PCBP3: variants seen among roughly 807,000 people sequenced by gnomAD.
PCBP3 encodes the protein poly(rC) binding protein 3.
Under a neutral mutation model 52.7 loss-of-function variants are expected in PCBP3, and 25 were observed. The ratio of observed to expected loss-of-function variants is 0.47; its 90% CI spans 0.35 to 0.66. PCBP3 has a LOEUF of 0.66. PCBP3 is among the 30% of genes least tolerant of loss of function. PCBP3 has a pLI of 0.01. For missense variants in PCBP3, 391 were observed against 490.3 expected, an observed-to-expected ratio of 0.80 and a Z score of 1.91; for synonymous variants, 162 against 183.0, an observed-to-expected ratio of 0.89 and a Z score of 0.93.
intron 4 of PCBP3, among the ~76,000 whole-genome samples, chr21:45,797,199 G>C (rs2091963348): frequency 6.6e-6 from 1 of 152,302 alleles, no homozygotes; most frequent in African/African-American, 2.4e-5. Context: ...GAATGTGAAT[G>C]CTAGATGGAT....
At chr21:45,843,280 A>T (rs1050482778) in intron 4 of PCBP3, among the ~76,000 whole-genome samples, 32 of 152,172 alleles carry the variant, frequency 2.1e-4, no homozygotes, top group Admixed American at 2.0e-3. Context: ...CCTTTACGTG[A>T]CTACTATCCC....
rs537614590 is a variant in PCBP3, at chr21:45,695,261, A to G, written c.-200+26309A>G. On this transcript the variant is annotated intron_variant, in intron 2 of 17. Coordinates refer to ENST00000681687, the MANE Select transcript of PCBP3 (RefSeq NM_001384156.1). Reference sequence around the variant, plus strand: ...GAAAATTCCTCCTTGACCAGTTGGCATAGTGGTGGGCTTGTCAGCAGAGGG... The same window carrying G: ...GAAAATTCCTCCTTGACCAGTTGGCGTAGTGGTGGGCTTGTCAGCAGAGGG... 2.6e-4 allele frequency among the ~76,000 whole-genome samples: 39 copies of G among 152,294 alleles called. No homozygotes were observed. In the South Asian group the frequency reaches 8.1e-3, roughly 32 times the overall value.
chr21:45,697,850 A>G (rs1276940984), intron 2 of PCBP3, among the ~76,000 whole-genome samples: 1 of 152,080 alleles, frequency 6.6e-6, no homozygotes, highest in East Asian at 1.9e-4. Context: ...TTTTTGAATC[A>G]GCTGTGTCCT....
intron 4 of PCBP3, among the ~76,000 whole-genome samples, chr21:45,783,222 C>T (rs2146117962): frequency 6.6e-6 from 1 of 152,294 alleles, no homozygotes. Context: ...ACTAATGAGG[C>T]TGAGCATCTT....
chr21:45,691,363 A>G (rs1277106696), intron 2 of PCBP3, among the ~76,000 whole-genome samples: 4 of 148,048 alleles, frequency 2.7e-5, no homozygotes, highest in Non-Finnish European at 5.9e-5. Context: ...GTGATGTTCT[A>G]TATCTTGTTT....
intron 4 of PCBP3, among the ~76,000 whole-genome samples, chr21:45,835,669 T>C (rs2093568010): frequency 6.6e-6 from 1 of 152,170 alleles, no homozygotes; most frequent in Non-Finnish European, 1.5e-5. Context: ...TGGCCCCACA[T>C]CCCTGTGAGC....
intron 6 of PCBP3, among the ~76,000 whole-genome samples, chr21:45,897,220 C>A (rs2095856562): frequency 1.3e-5 from 2 of 152,358 alleles, no homozygotes; most frequent in East Asian, 3.9e-4. Flanking sequence ...CACAACCACA[C>A]ACAGCCATCA....
chr21:45,843,411 C>T (rs897761886), intron 4 of PCBP3, among the ~76,000 whole-genome samples: 41 of 152,188 alleles, frequency 2.7e-4, no homozygotes, highest in Non-Finnish European at 5.7e-4. Flanking sequence ...CTTTGCTTAA[C>T]TTCTGAACTT....
chr21:45,761,639 T>G (rs1420100182), intron 4 of PCBP3: 1 of 152,334 alleles, frequency 6.6e-6, no homozygotes, highest in African/African-American at 2.4e-5. Flanking sequence ...AAATACTGTT[T>G]CTTTGTTACT....
At chr21:45,902,403 C>T (rs749393714) in intron 9 of PCBP3, among the ~76,000 whole-genome samples, 5 of 152,198 alleles carry the variant, frequency 3.3e-5, no homozygotes, top group Admixed American at 6.5e-5. Context: ...AAGCCACTCT[C>T]TCATTTGCAA....
chr21:45,787,686 C>T (rs1282782317), intron 4 of PCBP3, among the ~76,000 whole-genome samples: 4 of 152,198 alleles, frequency 2.6e-5, no homozygotes, highest in Non-Finnish European at 5.9e-5. Flanking sequence ...CAGTGGGGGA[C>T]ATCCCAGGCT....
chr21:45,918,649 T>A (rs111738516), intron 13 of PCBP3: 1 of 147,978 alleles, frequency 6.8e-6, no homozygotes. Flanking sequence ...GGGGAAGAAG[T>A]TACCCTCAGA....
chr21:45,880,094 C>T lies in PCBP3; in HGVS notation c.11-16114C>T, dbSNP rs998008755. Among the ~76,000 whole-genome samples the T allele has an allele frequency of 3.9e-5, 6 of 152,166 alleles. No homozygotes were observed. The highest frequency in any genetic ancestry group is 1.4e-4 in the African/African-American group (6 of 41,452). The stretch of plus-strand genomic sequence containing the variant: ...TTTGTTGTGTGGCGTGAGAGTCCAT[C>T]CTGGTTTCGTGGCATTTTTCTCTGC... On this transcript the variant is annotated intron_variant, in intron 5 of 17. Transcript: ENST00000681687. This position sits in a 1 kb window ranked among gnomAD's most constrained non-coding sequence, Gnocchi z 5.4.
At chr21:45,690,354 C>T (rs1340834174) in intron 2 of PCBP3, among the ~76,000 whole-genome samples, 1 of 152,000 alleles carries the variant, frequency 6.6e-6, no homozygotes, top group Non-Finnish European at 1.5e-5. Context: ...GTCCATGAAA[C>T]TTTTAGAAGA....
intron 2 of PCBP3, among the ~76,000 whole-genome samples, chr21:45,670,501 G>A (rs1314641288): frequency 6.6e-6 from 1 of 152,152 alleles, no homozygotes; most frequent in African/African-American, 2.4e-5. Context: ...AATAATTTGG[G>A]ATGATTATTG....
rs750632480 is a variant in PCBP3, at chr21:45,904,950, A to G, written c.339+3837A>G. Among the ~76,000 whole-genome samples, 1 of 152,194 alleles carries G rather than the reference A, an allele frequency of 6.6e-6. No individual in the cohort carries two copies. Among genetic ancestry groups the G allele is most frequent in the Non-Finnish European group, 1.5e-5 (1 of 68,028 alleles). On this transcript the variant is annotated intron_variant, in intron 9 of 17. Transcript: ENST00000681687. The surrounding 1 kb of genome is among the most constrained non-coding windows in gnomAD (Gnocchi z 4.8). ...TTTCCCACCAGTGTTGACTGGAGAT[A>G]TTCATCAATTTGTCTACAGCATGAT...
intron 1 of PCBP3, among the ~76,000 whole-genome samples, chr21:45,646,067 C>CTCTT (rs1384810236): frequency 1.6e-5 from 2 of 121,858 alleles, no homozygotes; most frequent in Admixed American, 8.5e-5. Context: ...CTCTCTCTCT[C>CTCTT]TCTCTCTCTC....
chr21:45,929,182 G>A (rs2075856436), intron 13 of PCBP3, among the ~76,000 whole-genome samples: 1 of 152,234 alleles, frequency 6.6e-6, no homozygotes, highest in Non-Finnish European at 1.5e-5. Context: ...CTTGTGGCCC[G>A]AGGATGGGAG....
At chr21:45,790,033 G>A (rs1054994110) in intron 4 of PCBP3, among the ~76,000 whole-genome samples, 3 of 152,166 alleles carry the variant, frequency 2.0e-5, no homozygotes, top group Non-Finnish European at 4.4e-5. Context: ...CCAGCTACGC[G>A]GGAGGCTGAG....
Sources: allele counts gnomAD v4.1 joint callset (sites outside exome capture counted in the v4.1 genomes callset), GRCh38; gene constraint gnomAD v4.1.1; non-coding constraint Gnocchi (gnomAD v3.1); transcripts MANE v1.5; gene names NCBI Gene and HGNC (gene_info 2026-07-23, HGNC 2026-07-21).